FNTB: variants seen among roughly 807,000 people sequenced by gnomAD.
FNTB encodes protein farnesyltransferase subunit beta.
In FNTB, 27 loss-of-function variants were observed where a neutral mutation model predicts 59.4. The ratio of observed to expected loss-of-function variants is 0.45; its 90% CI spans 0.34 to 0.63. FNTB has a LOEUF of 0.63. Ranked by LOEUF, FNTB falls within the 20% of genes least tolerant of loss-of-function variation. The pLI is 0.02. For synonymous variants in FNTB, 230 were observed against 220.7 expected (o/e 1.04, Z -0.37); for missense variants, 449 against 559.6 (o/e 0.80, Z 1.99).
chr14:65,039,758 G>A (rs1555336223), intron 7 of FNTB, among the ~76,000 whole-genome samples: 1 of 152,184 alleles, frequency 6.6e-6, no homozygotes. Flanking sequence ...GGCTGTTTAA[G>A]AAGCCATCAC....
At chr14:65,055,676 C>T (rs964310791) in intron 11 of FNTB, among the ~76,000 whole-genome samples, 29 of 152,086 alleles carry the variant, frequency 1.9e-4, no homozygotes, top group African/African-American at 6.3e-4. Flanking sequence ...ACCACCACAC[C>T]CAGCTAATTT....
rs1482132234 is a variant in FNTB at position 65,030,808 on chromosome 14, TTTTG to T, written c.606-1794_606-1791del. The stretch of plus-strand genomic sequence containing the variant: ...TCTTAGGAGCCCTTAGGAATATACT[TTTTG>T]TTTGTTTTGTTTTGAGATGGAGTTT... On this transcript the variant is annotated intron_variant, in intron 6 of 11. Coordinates refer to ENST00000246166, the MANE Select transcript of FNTB (RefSeq NM_002028.4). This position sits in a 1 kb window ranked among gnomAD's most constrained non-coding sequence, Gnocchi z 4.5. Among the ~76,000 whole-genome samples, 1 of 151,964 alleles carries T rather than the reference TTTTG, an allele frequency of 6.6e-6. No homozygotes were observed. Among genetic ancestry groups the T allele is most frequent in the African/African-American group, 2.4e-5 (1 of 41,376 alleles).
Position 64,990,769 on chromosome 14 carries a change from G to T in FNTB, c.144+3672G>T, listed in dbSNP as rs1594979645. Among the ~76,000 whole-genome samples, 2 of 152,180 alleles carry T rather than the reference G, an allele frequency of 1.3e-5. No individual in the cohort carries two copies. The highest frequency in any genetic ancestry group is 2.1e-4 in the South Asian group (1 of 4,834). On this transcript the variant is annotated intron_variant, in intron 1 of 11. Coordinates refer to ENST00000246166, the MANE Select transcript of FNTB (RefSeq NM_002028.4). The surrounding 1 kb of genome is among the most constrained non-coding windows in gnomAD (Gnocchi z 5.2). ...AGGTTACTGTCAAGAGTAGATGGTG[G>T]GGAGTGAGGGTGGATACAGGGAAAC...
rs530407196 is a variant in FNTB, at chr14:65,027,440, G to T, written c.375-13G>T. ...TCTCTGACTTTGTTTTTGCCCTTTGGCTGTGTACCTAGTGTGTGTCAGTTC... is the reference window on the plus strand; with the variant it reads ...TCTCTGACTTTGTTTTTGCCCTTTGTCTGTGTACCTAGTGTGTGTCAGTTC... On this transcript the variant is annotated splice_polypyrimidine_tract_variant and intron_variant, in intron 4 of 11. Coordinates refer to ENST00000246166, the MANE Select transcript of FNTB (RefSeq NM_002028.4). This position sits in a 1 kb window ranked among gnomAD's most constrained non-coding sequence, Gnocchi z 5.7. The T allele has an allele frequency of 6.2e-7, 1 of 1,613,446 alleles. No homozygotes were observed. Among genetic ancestry groups the T allele is most frequent in the African/African-American group, 1.3e-5 (1 of 74,986 alleles).
At chr14:65,060,888 A>C (rs955710606) in intron 11 of FNTB, among the ~76,000 whole-genome samples, 3 of 148,960 alleles carry the variant, frequency 2.0e-5, no homozygotes, top group Non-Finnish European at 4.5e-5. Context: ...AAAAAAAAAA[A>C]AAAAAAACAG....
chr14:65,026,429 T>G (rs539149185), intron 4 of FNTB, among the ~76,000 whole-genome samples: 2 of 152,284 alleles, frequency 1.3e-5, no homozygotes, highest in East Asian at 3.9e-4. Context: ...TGGAGAATTC[T>G]CCAAGAACCC....
Position 65,037,403 on chromosome 14 carries a change from C to CTTTTT in FNTB, c.693-3348_693-3344dup, listed in dbSNP as rs1555335876. On this transcript the variant is annotated intron_variant, in intron 7 of 11. Transcript: ENST00000246166. Reference sequence around the variant, plus strand: ...TAGGCGTGAGCCACCACGCCGGGCCCTTTTTTTTTTTTTTTTTTTTTTTTT... The same window carrying CTTTTT: ...TAGGCGTGAGCCACCACGCCGGGCCCTTTTTTTTTTTTTTTTTTTTTTTTTTTTTT... Among the ~76,000 whole-genome samples, 38 of 29,676 alleles carry CTTTTT rather than the reference C, an allele frequency of 1.3e-3. 4 individuals are homozygous for CTTTTT. Among genetic ancestry groups the CTTTTT allele is most frequent in the Admixed American group, 3.4e-3 (8 of 2,372 alleles). The allele number at this position is 29,676 out of a possible 152,430, so 19.5% of individuals were successfully genotyped here. A position where few individuals can be genotyped will look rare whatever the true frequency, so the allele number is the denominator to read the frequency against.
chr14:65,024,717 A>G (rs917181364), intron 4 of FNTB, among the ~76,000 whole-genome samples: 5 of 152,108 alleles, frequency 3.3e-5, no homozygotes, highest in African/African-American at 1.2e-4. Context: ...TTTTGCTTGT[A>G]ATTTTTTATT....
intron 7 of FNTB, among the ~76,000 whole-genome samples, chr14:65,037,627 A>G (rs2139609673): frequency 6.8e-6 from 1 of 146,918 alleles, no homozygotes; most frequent in South Asian, 2.1e-4. Context: ...GCCTCACCAC[A>G]TTGCCCAGGT....
rs1005955754 is a variant in FNTB, at chr14:65,029,566, A to G, written c.605+1785A>G. 6.6e-6 allele frequency among the ~76,000 whole-genome samples: 1 copy of G among 152,198 alleles called. No individual in the cohort carries two copies. The highest frequency in any genetic ancestry group is 2.4e-5 in the African/African-American group (1 of 41,448). Reference sequence around the variant, plus strand: ...CAAGCACTATTTTTTCTCAGTTCTTAAGAAAGGAGACCTCCTTTCTAGGTT... The same window carrying G: ...CAAGCACTATTTTTTCTCAGTTCTTGAGAAAGGAGACCTCCTTTCTAGGTT... On this transcript the variant is annotated intron_variant, in intron 6 of 11. Coordinates refer to ENST00000246166, the MANE Select transcript of FNTB (RefSeq NM_002028.4). This position sits in a 1 kb window ranked among gnomAD's most constrained non-coding sequence, Gnocchi z 4.7.
intron 2 of FNTB, among the ~76,000 whole-genome samples, chr14:65,010,866 G>C (rs1038030582): frequency 6.6e-6 from 1 of 152,108 alleles, no homozygotes; most frequent in Non-Finnish European, 1.5e-5. Flanking sequence ...CTTGATACCT[G>C]TGCAGCATAG....
At chr14:65,043,544 C>T (rs1023904634) in intron 8 of FNTB, among the ~76,000 whole-genome samples, 7 of 152,118 alleles carry the variant, frequency 4.6e-5, no homozygotes, top group Non-Finnish European at 8.8e-5. Flanking sequence ...AGTACCAGGC[C>T]GGGCACGGTG....
chr14:65,017,797 A>G (rs1275548635), intron 4 of FNTB, among the ~76,000 whole-genome samples: 2 of 152,024 alleles, frequency 1.3e-5, no homozygotes, highest in Non-Finnish European at 2.9e-5. Context: ...CTCTACTAAA[A>G]TACAAAAATT....
chr14:65,037,402 C>CTTTTTTTTTTTTTTTTTTTTTTT (rs765037575), intron 7 of FNTB, among the ~76,000 whole-genome samples: 4 of 14,532 alleles, frequency 2.8e-4, no homozygotes, highest in Non-Finnish European at 5.6e-4. Context: ...CACGCCGGGC[C>CTTTTTTTTTTTTTTTTTTTTTTT]CTTTTTTTTT....
rs777798935 is a variant in FNTB, at chr14:65,027,407, A to C, written c.375-46A>C. 4 of 1,606,730 alleles carry C rather than the reference A, an allele frequency of 2.5e-6. No homozygotes were observed. The highest frequency in any genetic ancestry group is 2.6e-6 in the Non-Finnish European group (3 of 1,175,942). On this transcript the variant is annotated intron_variant, in intron 4 of 11. Coordinates refer to ENST00000246166, the MANE Select transcript of FNTB (RefSeq NM_002028.4). This position sits in a 1 kb window ranked among gnomAD's most constrained non-coding sequence, Gnocchi z 5.7. ...TCTAGTGGGAATTTGGTGTTTTGAC[A>C]TGAATGCTCTCTGACTTTGTTTTTG... is the stretch of plus-strand genomic sequence containing the variant.
chr14:65,023,347 C>T lies in FNTB; in HGVS notation c.375-4106C>T, dbSNP rs112511469. Among the ~76,000 whole-genome samples the T allele has an allele frequency of 0.02, 3,031 of 152,274 alleles. 116 individuals are homozygous for T. The highest frequency in any genetic ancestry group is 0.069 in the African/African-American group (2,881 of 41,554). On this transcript the variant is annotated intron_variant, in intron 4 of 11. Coordinates refer to ENST00000246166, the MANE Select transcript of FNTB (RefSeq NM_002028.4). The surrounding 1 kb of genome is among the most constrained non-coding windows in gnomAD (Gnocchi z 4.1). ...CTGGGATTACAGGCATGAGCCACCA[C>T]GCCTGGCCAGAATCAATCACTTTAG...
chr14:65,001,894 TATTA>T lies in FNTB; in HGVS notation c.145-2354_145-2351del, dbSNP rs778227616. 6.6e-6 allele frequency among the ~76,000 whole-genome samples: 1 copy of T among 152,238 alleles called. No homozygotes were observed. Among genetic ancestry groups the T allele is most frequent in the Non-Finnish European group, 1.5e-5 (1 of 68,038 alleles). ...GGTGACGTCAGTCTGTTTTTTGAAG[TATTA>T]TAACCTTTTAAACAGATCATCCTTC... is the stretch of plus-strand genomic sequence containing the variant. On this transcript the variant is annotated intron_variant, in intron 1 of 11. Transcript: ENST00000246166. This position sits in a 1 kb window ranked among gnomAD's most constrained non-coding sequence, Gnocchi z 5.5.
At position 64,993,732 on chromosome 14, in the gene FNTB, A is replaced by G. The variant is rs527999705; in HGVS notation, c.144+6635A>G. 5.9e-5 allele frequency among the ~76,000 whole-genome samples: 9 copies of G among 152,274 alleles called. 1 individual carries two copies. Among genetic ancestry groups the G allele is most frequent in the South Asian group, 2.1e-4 (1 of 4,828 alleles). Reference sequence around the variant, plus strand: ...CTGGTATGAAAGTTGGTGCCTCATGAGATTGGCTTTAGATAGAAGCTGTGA... The same window carrying G: ...CTGGTATGAAAGTTGGTGCCTCATGGGATTGGCTTTAGATAGAAGCTGTGA... On this transcript the variant is annotated intron_variant, in intron 1 of 11. Coordinates refer to ENST00000246166, the MANE Select transcript of FNTB (RefSeq NM_002028.4).
Position 65,030,722 on chromosome 14 carries a change from A to C in FNTB, c.606-1888A>C, listed in dbSNP as rs112148813. 6.6e-6 allele frequency among the ~76,000 whole-genome samples: 1 copy of C among 152,066 alleles called. No homozygotes were observed. The highest frequency in any genetic ancestry group is 1.5e-5 in the Non-Finnish European group (1 of 67,996). The stretch of plus-strand genomic sequence containing the variant: ...GCCACTGCACTGCAGCCTGGGCAAC[A>C]AAGTGAGATCCTATCTTAAAAAAAA... On this transcript the variant is annotated intron_variant, in intron 6 of 11. Coordinates refer to ENST00000246166, the MANE Select transcript of FNTB (RefSeq NM_002028.4). The surrounding 1 kb of genome is among the most constrained non-coding windows in gnomAD (Gnocchi z 4.5).
Sources: gnomAD v4.1 joint callset for allele counts (sites outside exome capture counted in the v4.1 genomes callset) on GRCh38, gnomAD v4.1.1 for gene constraint, Gnocchi (gnomAD v3.1) non-coding constraint, MANE v1.5 for transcripts, NCBI Gene and HGNC (gene_info 2026-07-23, HGNC 2026-07-21) for gene names.